TRIM37: variants seen among roughly 807,000 people sequenced by gnomAD.
The protein encoded by TRIM37 is E3 ubiquitin-protein ligase TRIM37.
In TRIM37, 80 loss-of-function variants were observed where a neutral mutation model predicts 129.8. The ratio of observed to expected loss-of-function variants is 0.62; its 90% confidence interval spans 0.51 to 0.74. The LOEUF is 0.74. TRIM37 is among the 30% of genes least tolerant of loss of function. The probability of loss-of-function intolerance (pLI) is 0.00; values close to 1 mark genes in which losing one functional copy is unlikely to be tolerated. For synonymous variants in TRIM37, 389 were observed against 387.1 expected (o/e 1.00, Z -0.06); for missense variants, 1,054 against 1,176.5 (o/e 0.90, Z 1.52).
chr17:59,044,844 G>A (rs1380091479), intron 16 of TRIM37, among the ~76,000 whole-genome samples: 1 of 152,092 alleles, frequency 6.6e-6, no homozygotes, highest in Non-Finnish European at 1.5e-5. Flanking sequence ...AGGGACAACT[G>A]TACTAGCAAA....
intron 12 of TRIM37, among the ~76,000 whole-genome samples, chr17:59,059,002 T>A (rs1214896778): frequency 6.6e-6 from 1 of 151,938 alleles, no homozygotes; most frequent in East Asian, 1.9e-4. Context: ...ATCAAGAAAA[T>A]GAAAAGAAAA....
At chr17:59,041,979 T>C (rs1041053806) in intron 16 of TRIM37, 81 bp from the exon 17 acceptor site, 7 of 949,096 alleles carry the variant, frequency 7.4e-6, no homozygotes, top group Non-Finnish European at 1.2e-5. Context: ...TTTTATGATA[T>C]GCAGATTTTT....
At chr17:59,074,867 C>T (rs950606684) in intron 8 of TRIM37, among the ~76,000 whole-genome samples, 2 of 152,176 alleles carry the variant, frequency 1.3e-5, no homozygotes, top group Non-Finnish European at 2.9e-5. Flanking sequence ...AAAATATAAA[C>T]TCTATGAGGA....
chr17:59,106,839 C>G lies in TRIM37; in HGVS notation c.-378G>C. 7.3e-6 allele frequency: 3 copies of G among 408,584 alleles called. No homozygotes were observed. The highest frequency in any genetic ancestry group is 5.2e-5 in the East Asian group (1 of 19,094). The allele number at this position is 408,584 out of a possible 1,614,324, so 25.3% of individuals were successfully genotyped here. The stretch of plus-strand genomic sequence containing the variant: ...CCGCAGAGAATTCGCAAACACCAAC[C>G]GTAACCAGAGCAGCTGGGGGCGCGG... On this transcript the variant is annotated 5_prime_UTR_variant, in exon 1 of 24. Transcript: ENST00000262294.
At chr17:58,997,161 T>C (rs1218097709), downstream of TRIM37, among the ~76,000 whole-genome samples, 1 of 152,152 alleles carries the variant, frequency 6.6e-6, no homozygotes, top group African/African-American at 2.4e-5. Flanking sequence ...GTAAACAATA[T>C]TGCAACCAGG....
chr17:59,062,393 G>A (rs2041569026), intron 11 of TRIM37, among the ~76,000 whole-genome samples, 174 bp downstream of exon 11: 1 of 152,158 alleles, frequency 6.6e-6, no homozygotes, highest in South Asian at 2.1e-4. Context: ...AGAACAAGGT[G>A]TGGACAAACA....
the TRIM37 span, chr17:58,969,438 C>T: frequency 9.2e-7 from 1 of 1,086,264 alleles, no homozygotes; most frequent in African/African-American, 1.5e-5. Context: ...ATGACAAATG[C>T]AGTGGAGGAG....
intron 16 of TRIM37, among the ~76,000 whole-genome samples, chr17:59,046,393 G>T (rs1644203544): frequency 6.6e-6 from 1 of 152,070 alleles, no homozygotes; most frequent in Non-Finnish European, 1.5e-5. Flanking sequence ...GCAGTGAAAA[G>T]GATACATTAT....
chr17:58,967,519 T>TATAGAG, the TRIM37 span, among the ~76,000 whole-genome samples: 5 of 145,112 alleles, frequency 3.4e-5, no homozygotes, highest in East Asian at 2.0e-4. Context: ...TATATATATA[T>TATAGAG]AGAGAGAGAG....
At chr17:58,977,440 C>CAA in the TRIM37 span, among the ~76,000 whole-genome samples, 16 of 62,100 alleles carry the variant, frequency 2.6e-4, no homozygotes, top group African/African-American at 4.1e-4. Flanking sequence ...GACTCTGTCT[C>CAA]AAAAAAAAAA....
chr17:58,981,216 G>A, downstream of TRIM37: 1 of 552,658 alleles, frequency 1.8e-6, no homozygotes, highest in East Asian at 3.0e-5. Context: ...AAGAAGTATT[G>A]GCAGTTTCAC....
chr17:59,006,883 T>TA (rs1037749418), intron 22 of TRIM37, among the ~76,000 whole-genome samples: 3 of 151,876 alleles, frequency 2.0e-5, no homozygotes, highest in African/African-American at 7.3e-5. Context: ...AGCAACACTC[T>TA]GTCTCCAAAA....
chr17:59,064,407 T>TA lies in TRIM37; in HGVS notation c.810-3dup, dbSNP rs367700401. Reference sequence around the variant, plus strand: ...GAATCGTAAGATGGCACTAATTCACTAAAAAAAAAAAGGCAAAAAAAATTA... The same window carrying TA: ...GAATCGTAAGATGGCACTAATTCACTAAAAAAAAAAAAGGCAAAAAAAATTA... On this transcript the variant is annotated splice_polypyrimidine_tract_variant and splice_region_variant and intron_variant, in intron 9 of 23. Coordinates refer to ENST00000262294, the MANE Select transcript of TRIM37 (RefSeq NM_015294.6). 85,113 of 1,060,460 alleles carry TA rather than the reference T, an allele frequency of 0.08. 71 individuals carry two copies. Among genetic ancestry groups the TA allele is most frequent in the Middle Eastern group, 0.11 (402 of 3,578 alleles). 65.7% of individuals were successfully genotyped at this position (1,060,460 alleles called of 1,614,324 possible). A position where few individuals can be genotyped will look rare whatever the true frequency, so the allele number is the denominator to read the frequency against.
At chr17:59,018,922 A>G (rs1598925962) in intron 19 of TRIM37, among the ~76,000 whole-genome samples, 2 of 152,246 alleles carry the variant, frequency 1.3e-5, no homozygotes, top group Non-Finnish European at 2.9e-5. Context: ...CTAGAAACAA[A>G]CCCTTATATT....
intron 12 of TRIM37, among the ~76,000 whole-genome samples, chr17:59,057,978 T>C (rs561246055): frequency 6.6e-6 from 1 of 152,348 alleles, no homozygotes; most frequent in East Asian, 1.9e-4. Context: ...GCTTTTGTTT[T>C]ACTAATGCAA....
chr17:59,010,925 C>G (rs924554789), intron 22 of TRIM37, among the ~76,000 whole-genome samples: 3 of 152,078 alleles, frequency 2.0e-5, no homozygotes, highest in South Asian at 2.1e-4. Flanking sequence ...AATCCTAGCA[C>G]TTTGGGAGGC....
chr17:58,978,937 C>T (rs1303627499), downstream of TRIM37, among the ~76,000 whole-genome samples: 2 of 152,094 alleles, frequency 1.3e-5, no homozygotes, highest in Admixed American at 6.6e-5. Flanking sequence ...TCTGCAGTCT[C>T]GCTCCTACCC....
intron 2 of TRIM37, among the ~76,000 whole-genome samples, chr17:59,093,457 T>C (rs959835511): frequency 6.6e-6 from 1 of 152,184 alleles, no homozygotes; most frequent in Admixed American, 6.5e-5. Context: ...TCCTACTCAT[T>C]GTTTAGATTT....
intron 18 of TRIM37, among the ~76,000 whole-genome samples, chr17:59,029,568 TG>T (rs1192864577): frequency 2.0e-5 from 3 of 152,168 alleles, no homozygotes; most frequent in Non-Finnish European, 4.4e-5. Flanking sequence ...TCACTAAATA[TG>T]TGTTAAATAA....
Sources: allele counts gnomAD v4.1 joint callset (sites outside exome capture counted in the v4.1 genomes callset), GRCh38; gene constraint gnomAD v4.1.1; transcripts MANE v1.5; gene names NCBI Gene and HGNC (gene_info 2026-07-23, HGNC 2026-07-21).